Variants in PSG1 observed in about 807,000 individuals in gnomAD.
The protein encoded by PSG1 is pregnancy-specific beta-1-glycoprotein 1.
A neutral mutation model predicts 41.4 loss-of-function variants in PSG1; 60 were observed. The ratio of observed to expected loss-of-function variants is 1.45; its 90% CI spans 1.18 to 1.80. The LOEUF is 1.80. Among genes scored for constraint, PSG1 ranks in the 40% most tolerant of loss-of-function variants. The pLI is 0.00. For missense variants in PSG1, 806 were observed against 516.9 expected (o/e 1.56, Z -5.42); for synonymous variants, 256 against 192.9 (o/e 1.33, Z -2.71).
At chr19:42,873,006 G>A (rs1312815879) in intron 2 of PSG1, among the ~76,000 whole-genome samples, 6 of 151,648 alleles carry the variant, frequency 4.0e-5, no homozygotes, top group East Asian at 1.9e-4. Context: ...CTGATTCTGA[G>A]TTTGACTACT....
intron 2 of PSG1, among the ~76,000 whole-genome samples, 187 bp downstream of exon 2, chr19:42,877,726 A>C (rs906032115): frequency 1.3e-5 from 2 of 151,668 alleles, no homozygotes; most frequent in Non-Finnish European, 2.9e-5. Context: ...GTCTGGATGC[A>C]GGAAAGGAAT....
chr19:42,869,863 G>C (rs1971306577), intron 3 of PSG1: 2 of 151,758 alleles, frequency 1.3e-5, no homozygotes, highest in South Asian at 4.2e-4. Flanking sequence ...ATTCAGAACT[G>C]ACTGGTAGAA....
chr19:42,877,934 G>C lies in PSG1; in HGVS notation c.409C>G (p.Arg137Gly), dbSNP rs530270765. Residue 137 changes from arginine to glycine, a missense_variant, in exon 2 of 6, where the codon CGT becomes GGT. Arg to Gly is a moderately radical substitution (Grantham distance 125). Transcript: ENST00000436291. ...TTACGGTGTAAGGTGAAGGTGAAAC[G>C]TCCAGTTACTCCTCTAGTCCCATCA... is the stretch of plus-strand genomic sequence containing the variant. ...GDDGTRGVTG[R>G]FTFTLHLETP... is the part of the protein sequence containing the mutation. 1 of 1,612,200 alleles carries C rather than the reference G, an allele frequency of 6.2e-7. No individual in the cohort carries two copies.
intron 2 of PSG1, chr19:42,876,773 C>G (rs1363350798): frequency 5.0e-5 from 8 of 161,178 alleles, no homozygotes; most frequent in South Asian, 1.6e-4. Context: ...TTCTGGAGTG[C>G]AGACTAATCA....
rs778330172 is a variant in PSG1, at chr19:42,871,933, C to A, written c.543G>T (p.Trp181Cys). The A allele has an allele frequency of 2.0e-5, 32 of 1,612,344 alleles. No homozygotes were observed. Among genetic ancestry groups the A allele is most frequent in the Non-Finnish European group, 2.6e-5 (31 of 1,179,226 alleles). ...PETPDASYLWWMNGQSLPMTH... is the reference protein window; with the variant it reads ...PETPDASYLWCMNGQSLPMTH... The stretch of plus-strand genomic sequence containing the variant: ...TCATAGGGAGGCTCTGACCATTCAT[C>A]CACCACAGGTAGCTTGCGTCTGGAG... The change falls in exon 3 of 6, where the codon TGG becomes TGT. Residue 181 changes from tryptophan (W) to cysteine (C), a missense_variant. By Grantham distance (215) the Trp-to-Cys change is radical. Coordinates refer to ENST00000436291, the MANE Select transcript of PSG1 (RefSeq NM_001184825.2).
intron 1 of PSG1, among the ~76,000 whole-genome samples, chr19:42,878,991 T>C (rs1211179615): frequency 1.3e-5 from 2 of 151,500 alleles, no homozygotes; most frequent in African/African-American, 4.9e-5. Context: ...TTTTTCAAAA[T>C]ATGGTGGCCC....
intron 5 of PSG1, 85 bp from the exon 6 acceptor site, chr19:42,867,235 A>C (rs1400091072): frequency 1.3e-6 from 1 of 756,474 alleles, no homozygotes; most frequent in South Asian, 1.4e-5. Flanking sequence ...TTTTCCACAT[A>C]ATTTTTCCCT....
chr19:42,872,526 G>A (rs1175367566), intron 2 of PSG1, among the ~76,000 whole-genome samples: 2 of 151,642 alleles, frequency 1.3e-5, no homozygotes, highest in African/African-American at 4.8e-5. Flanking sequence ...TTTGGGTACT[G>A]GAAAGCCTGG....
At position 42,871,718 on chromosome 19, in the gene PSG1, G is replaced by C. The variant is rs28579274; in HGVS notation, c.709+49C>G. On this transcript the variant is annotated intron_variant, in intron 3 of 5. Transcript: ENST00000436291. The stretch of plus-strand genomic sequence containing the variant: ...ACAGAGAGGCCTGGCCTCTGGCCAC[G>C]TGTATTTGGGATGGCAGCCTGGCTC... The C allele has an allele frequency of 3.2e-5, 51 of 1,612,240 alleles. 4 individuals carry two copies. The African/African-American group carries it at 3.7e-4, about 12-fold the overall frequency.
At position 42,874,566 on chromosome 19, in the gene PSG1, T is replaced by G. The variant is rs370620566; in HGVS notation, c.431-2521A>C. ...TTTCACCATGTTAGCCAGGATGGTC[T>G]CTATCTCTTGACCTTGTGCCCGCCT... On this transcript the variant is annotated intron_variant, in intron 2 of 5. Transcript: ENST00000436291. 3.9e-4 allele frequency among the ~76,000 whole-genome samples: 59 copies of G among 151,832 alleles called. 4 individuals are homozygous for G. The highest frequency in any genetic ancestry group is 3.9e-3 in the East Asian group (20 of 5,160).
At chr19:42,873,829 A>T (rs1218555928) in intron 2 of PSG1, among the ~76,000 whole-genome samples, 5 of 151,592 alleles carry the variant, frequency 3.3e-5, no homozygotes, top group African/African-American at 1.2e-4. Flanking sequence ...TTCTGTGCAG[A>T]GTTAGGAAAA....
intron 2 of PSG1, among the ~76,000 whole-genome samples, chr19:42,876,974 G>C (rs1388130410): frequency 6.6e-6 from 1 of 151,530 alleles, no homozygotes; most frequent in South Asian, 2.1e-4. Flanking sequence ...CTCTTGCTCA[G>C]TCACTGTGCC....
In PSG1 at chr19:42,868,828, C is replaced by G. The variant is rs746944504; in HGVS notation, c.916G>C (p.Gly306Arg). ...ILPSVTRNET[G>R]PYQCEIRDRY... is the part of the protein sequence containing the mutation. ...TCCCGTATTTCACATTGATAGGGTC[C>G]TGTTTCATTTCTCGTGACACTGGGT... Residue 306 changes from glycine (G) to arginine (R), a missense_variant, in exon 4 of 6, where the codon GGA becomes CGA. Transcript: ENST00000436291. The G allele has an allele frequency of 6.2e-7, 1 of 1,611,800 alleles. No homozygotes were observed. The highest frequency in any genetic ancestry group is 1.3e-5 in the African/African-American group (1 of 74,794).
At chr19:42,867,688 C>A (rs772665204) in intron 5 of PSG1, 1 of 795,284 alleles carries the variant, frequency 1.3e-6, no homozygotes, top group Non-Finnish European at 2.3e-6. Flanking sequence ...AGGTAGAAAG[C>A]AAAAGTAAAT....
chr19:42,867,036 G>C lies in PSG1; in HGVS notation c.*98C>G, dbSNP rs549917770. Reference sequence around the variant, plus strand: ...AGGGTTTTCCCATGAAATTTACATTGAGTTGTCCACCTCCAGCTTATAGGG... The same window carrying C: ...AGGGTTTTCCCATGAAATTTACATTCAGTTGTCCACCTCCAGCTTATAGGG... On this transcript the variant is annotated 3_prime_UTR_variant, in exon 6 of 6. Transcript: ENST00000436291. The C allele has an allele frequency of 6.5e-4, 498 of 768,832 alleles. 21 individuals are homozygous for C. Among genetic ancestry groups the C allele is most frequent in the South Asian group, 5.8e-3 (432 of 74,362 alleles). The allele number at this position is 768,832 out of a possible 1,614,324, so 47.6% of individuals were successfully genotyped here.
intron 2 of PSG1, among the ~76,000 whole-genome samples, chr19:42,876,141 G>C (rs1481605886): frequency 6.6e-6 from 1 of 151,450 alleles, no homozygotes; most frequent in South Asian, 2.1e-4. Context: ...TCTAGGGAAG[G>C]CCTAGAGGTG....
At chr19:42,873,029 T>C (rs1971459562) in intron 2 of PSG1, among the ~76,000 whole-genome samples, 1 of 151,604 alleles carries the variant, frequency 6.6e-6, no homozygotes, top group African/African-American at 2.4e-5. Context: ...ATGTACCTGA[T>C]ATCAGTGGAT....
chr19:42,876,160 A>G (rs1177431298), intron 2 of PSG1, among the ~76,000 whole-genome samples: 2 of 151,366 alleles, frequency 1.3e-5, no homozygotes. Context: ...TGGAGGAAGA[A>G]GCTGTGCAGG....
Position 42,879,694 on chromosome 19 carries a change from C to T in PSG1, c.-113G>A. On this transcript the variant is annotated 5_prime_UTR_variant, in exon 1 of 6. Transcript: ENST00000436291. Reference sequence around the variant, plus strand: ...TCCTCTTTCTGTGCTGAGCCTCTTCCCAGGGCAGGAGCAATTCTCAAGCTC... The same window carrying T: ...TCCTCTTTCTGTGCTGAGCCTCTTCTCAGGGCAGGAGCAATTCTCAAGCTC... The T allele has an allele frequency of 1.4e-6, 2 of 1,479,274 alleles. No individual in the cohort carries two copies. Among genetic ancestry groups the T allele is most frequent in the South Asian group, 1.2e-5 (1 of 80,406 alleles). 91.6% of individuals were successfully genotyped at this position (1,479,274 alleles called of 1,614,324 possible).
Sources: gnomAD v4.1 joint callset for allele counts (sites outside exome capture counted in the v4.1 genomes callset) on GRCh38, gnomAD v4.1.1 for gene constraint, MANE v1.5 for transcripts, NCBI Gene and HGNC (gene_info 2026-07-23, HGNC 2026-07-21) for gene names.